Variants in SLC9A4 observed in about 807,000 individuals in gnomAD.
SLC9A4 encodes the protein sodium/hydrogen exchanger 4.
Under a neutral mutation model 67.4 loss-of-function variants are expected in SLC9A4, and 63 were observed. The observed-to-expected ratio is 0.93, with a 90% CI of 0.76 to 1.15. The LOEUF (loss-of-function observed/expected upper bound fraction) is 1.15. Ranked by LOEUF, SLC9A4 falls within the 50% of genes most tolerant of loss-of-function variation. The pLI is 0.00. For missense variants in SLC9A4, 1,089 were observed against 987.7 expected (o/e 1.10, Z -1.38); for synonymous variants, 393 against 367.2 (o/e 1.07, Z -0.80).
chr2:102,523,656 A>G (rs780927927), intron 9 of SLC9A4, among the ~76,000 whole-genome samples: 36 of 152,242 alleles, frequency 2.4e-4, no homozygotes, highest in Non-Finnish European at 4.4e-4. Context: ...GACCTGGAAA[A>G]TGGAGCCTCT....
chr2:102,484,065 AT>A (rs1359428644), intron 2 of SLC9A4, among the ~76,000 whole-genome samples: 3 of 152,026 alleles, frequency 2.0e-5, no homozygotes, highest in Non-Finnish European at 4.4e-5. Context: ...AGACAGGTGC[AT>A]CTACTATGTC....
At chr2:102,517,610 T>A (rs893116631) in intron 8 of SLC9A4, among the ~76,000 whole-genome samples, 1 of 152,208 alleles carries the variant, frequency 6.6e-6, no homozygotes, top group African/African-American at 2.4e-5. Flanking sequence ...TTTGAATGTT[T>A]CTAACATAAA....
rs776049651 is a variant in SLC9A4 at position 102,479,348 on chromosome 2, C to G, written c.720+46C>G. The G allele has an allele frequency of 5.8e-6, 9 of 1,539,608 alleles. No individual in the cohort carries two copies. In the East Asian group the frequency reaches 2.1e-4, roughly 36 times the overall value. On this transcript the variant is annotated intron_variant, in intron 2 of 11. Coordinates refer to ENST00000295269, the MANE Select transcript of SLC9A4 (RefSeq NM_001011552.4). ...CCGGCTTCCGGGGGAGATGAGGGTT[C>G]GGGGTGGGGCTGGGGACCGGAGGCT...
intron 6 of SLC9A4, among the ~76,000 whole-genome samples, chr2:102,510,185 G>GGATATAGATATAGATA (rs939244873): frequency 2.8e-5 from 4 of 142,756 alleles, no homozygotes; most frequent in African/African-American, 1.1e-4. Context: ...TAGGATGGAT[G>GGATATAGATATAGATA]GATATAGATA....
intron 8 of SLC9A4, 99 bp downstream of exon 8, chr2:102,514,350 C>A: frequency 1.4e-6 from 1 of 732,050 alleles, no homozygotes; most frequent in Non-Finnish European, 2.1e-6. Flanking sequence ...AGTAAAGAGG[C>A]AGAAATATAA....
In SLC9A4 at chr2:102,533,592, G is replaced by A. The variant is rs917018257; in HGVS notation, c.*904G>A. 3 of 150,806 alleles carry A rather than the reference G, an allele frequency of 2.0e-5. No homozygotes were observed. Among genetic ancestry groups the A allele is most frequent in the Non-Finnish European group, 4.4e-5 (3 of 67,830 alleles). The allele number at this position is 150,806 out of a possible 1,614,324, so 9.3% of individuals were successfully genotyped here. A position where few individuals can be genotyped will look rare whatever the true frequency, so the allele number is the denominator to read the frequency against. On this transcript the variant is annotated 3_prime_UTR_variant, in exon 12 of 12. Transcript: ENST00000295269. ...TGTGCCATGCTGGTGTGCTGCACCCGCTAACTCGTCATCTAGCATTAGGTG... is the reference window on the plus strand; with the variant it reads ...TGTGCCATGCTGGTGTGCTGCACCCACTAACTCGTCATCTAGCATTAGGTG...
chr2:102,520,619 C>T (rs1421822377), intron 9 of SLC9A4, among the ~76,000 whole-genome samples: 1 of 152,078 alleles, frequency 6.6e-6, no homozygotes, highest in Non-Finnish European at 1.5e-5. Flanking sequence ...ATTTGATCAT[C>T]CATTTTAATC....
intron 2 of SLC9A4, among the ~76,000 whole-genome samples, chr2:102,491,566 C>T (rs552187892): frequency 1.2e-4 from 19 of 152,050 alleles, no homozygotes; most frequent in African/African-American, 2.9e-4. Flanking sequence ...TTCATTATCA[C>T]GAGAACAGCA....
chr2:102,501,654 G>C (rs1684943890), intron 2 of SLC9A4, among the ~76,000 whole-genome samples: 1 of 151,960 alleles, frequency 6.6e-6, no homozygotes, highest in Non-Finnish European at 1.5e-5. Context: ...GCTGGGGGAG[G>C]AATGGCTTCC....
At chr2:102,511,531 C>G (rs982701987) in intron 6 of SLC9A4, among the ~76,000 whole-genome samples, 3 of 151,674 alleles carry the variant, frequency 2.0e-5, no homozygotes, top group Admixed American at 6.6e-5. Context: ...AATTCAGAAG[C>G]CAGTATAGAC....
intron 2 of SLC9A4, among the ~76,000 whole-genome samples, chr2:102,481,836 A>T (rs1684470922): frequency 6.6e-6 from 1 of 152,144 alleles, no homozygotes; most frequent in Admixed American, 6.5e-5. Flanking sequence ...AGACATGCAA[A>T]CATTCTGTTT....
At position 102,502,405 on chromosome 2, in the gene SLC9A4, G is replaced by A. The variant is rs548335442; in HGVS notation, c.721-1043G>A. Among the ~76,000 whole-genome samples the A allele has an allele frequency of 3.9e-5, 6 of 152,206 alleles. No homozygotes were observed. The East Asian group carries it at 7.7e-4, about 20-fold the overall frequency. Reference sequence around the variant, plus strand: ...AAATGATGTGTATGGAGGGTATAACGGTCTAGGTGCAATCAGGTAAGATAC... The same window carrying A: ...AAATGATGTGTATGGAGGGTATAACAGTCTAGGTGCAATCAGGTAAGATAC... On this transcript the variant is annotated intron_variant, in intron 2 of 11. Coordinates refer to ENST00000295269, the MANE Select transcript of SLC9A4 (RefSeq NM_001011552.4).
Position 102,532,836 on chromosome 2 carries a change from T to C in SLC9A4, c.*148T>C, listed in dbSNP as rs1180033941. The C allele has an allele frequency of 4.6e-6, 4 of 868,520 alleles. No individual in the cohort carries two copies. Among genetic ancestry groups the C allele is most frequent in the Non-Finnish European group, 6.8e-6 (4 of 584,766 alleles). 53.8% of individuals were successfully genotyped at this position (868,520 alleles called of 1,614,324 possible). ...TGGATCTATAAGCAGCAGGAAGATT[T>C]TTTCCAAGGACTGGGAGCAAACTTG... On this transcript the variant is annotated 3_prime_UTR_variant, in exon 12 of 12. Transcript: ENST00000295269.
At chr2:102,506,690 A>G (rs1264543138) in intron 4 of SLC9A4, among the ~76,000 whole-genome samples, 1 of 152,138 alleles carries the variant, frequency 6.6e-6, no homozygotes, top group Non-Finnish European at 1.5e-5. Context: ...ATACTCTGGG[A>G]CTCTGGGAAT....
rs545645377 is a variant in SLC9A4, at chr2:102,530,766, A to G, written c.2039-1564A>G. Among the ~76,000 whole-genome samples, 433 of 152,288 alleles carry G rather than the reference A, an allele frequency of 2.8e-3. 1 individual carries two copies. Among genetic ancestry groups the G allele is most frequent in the Non-Finnish European group, 5.4e-3 (370 of 68,006 alleles). Reference sequence around the variant, plus strand: ...GAACATGTTAAAGGAGAGTCAGGGAAAAAAAATGGACAGATATATAGATAT... The same window carrying G: ...GAACATGTTAAAGGAGAGTCAGGGAGAAAAAATGGACAGATATATAGATAT... On this transcript the variant is annotated intron_variant, in intron 11 of 11. Transcript: ENST00000295269.
chr2:102,501,035 C>T (rs1232594449), intron 2 of SLC9A4, among the ~76,000 whole-genome samples: 5 of 56,324 alleles, frequency 8.9e-5, no homozygotes, highest in Admixed American at 3.4e-4. Context: ...TCTCAGCTCA[C>T]GGCAACCTCG....
intron 9 of SLC9A4, among the ~76,000 whole-genome samples, 173 bp from the exon 10 acceptor site, chr2:102,524,851 C>T (rs1301470546): frequency 6.6e-6 from 1 of 152,204 alleles, no homozygotes; most frequent in African/African-American, 2.4e-5. Context: ...GGGTCATAGA[C>T]TTTTCTTCTT....
chr2:102,526,204 A>G, intron 10 of SLC9A4, 55 bp from the exon 11 acceptor site: 26 of 1,565,700 alleles, frequency 1.7e-5, no homozygotes, highest in Non-Finnish European at 2.3e-5. Context: ...TTGCCATGTG[A>G]AGCTCTTAAT....
At chr2:102,475,140 A>T (rs1684300737) in intron 1 of SLC9A4, among the ~76,000 whole-genome samples, 1 of 152,244 alleles carries the variant, frequency 6.6e-6, no homozygotes. Flanking sequence ...TTGCTTAGTG[A>T]ATAAGTTACA....
Sources: gnomAD v4.1 joint callset for allele counts (sites outside exome capture counted in the v4.1 genomes callset) on GRCh38, gnomAD v4.1.1 for gene constraint, MANE v1.5 for transcripts, NCBI Gene and HGNC (gene_info 2026-07-23, HGNC 2026-07-21) for gene names.